Variants in HLA-DMA observed in about 807,000 individuals in gnomAD.
The protein encoded by HLA-DMA is major histocompatibility complex, class II, DM alpha.
In HLA-DMA, 20 loss-of-function variants were observed where a neutral mutation model predicts 27.3. That is an observed-to-expected ratio of 0.73 (90% CI 0.52 to 1.07). The LOEUF (loss-of-function observed/expected upper bound fraction) is 1.07. Ranked by LOEUF, HLA-DMA falls within the 50% of genes least tolerant of loss-of-function variation. The pLI is 0.00. For missense variants in HLA-DMA, 241 were observed against 321.7 expected (o/e 0.75, Z 1.92); for synonymous variants, 111 against 126.8 (o/e 0.88, Z 0.83).
chr6:32,949,355 A>T lies in HLA-DMA; in HGVS notation c.697T>A (p.Cys233Ser). 1.2e-6 allele frequency: 2 copies of T among 1,614,148 alleles called. No individual in the cohort carries two copies. Among genetic ancestry groups the T allele is most frequent in the Non-Finnish European group, 1.7e-6 (2 of 1,180,020 alleles). The change falls in exon 4 of 5, where the codon TGT becomes AGT. Residue 233 changes from cysteine (C) to serine (S), a missense_variant. Transcript: ENST00000374843. The surrounding 1 kb of genome is among the most constrained non-coding windows in gnomAD (Gnocchi z 5.8). ...ACACCCAGGCCAAAGGCCACGCCAC[A>T]CAGCACATTCTCCAGCAGATCTGAG... Reference protein sequence around the residue: ...LPSDLLENVLCGVAFGLGVLG... With the variant: ...LPSDLLENVLSGVAFGLGVLG...
At chr6:32,952,558 A>T in intron 1 of HLA-DMA, 1 of 399,118 alleles carries the variant, frequency 2.5e-6, no homozygotes, top group Non-Finnish European at 5.0e-6. Context: ...GAAGGAAACT[A>T]AGACACTTTT....
rs1776822895 is a variant in HLA-DMA at position 32,949,946 on chromosome 6, G to GTCTAGAGCTCACATTGA, written c.374-58_374-57insTCAATGTGAGCTCTAGA. ...AGAGACTAGTTTAGATGGTATCTCTGTGTTTGGAGGGGCCATGGCATATGG... is the reference window on the plus strand; with the variant it reads ...AGAGACTAGTTTAGATGGTATCTCTGTCTAGAGCTCACATTGATGTTTGGAGGGGCCATGGCATATGG... On this transcript the variant is annotated intron_variant, in intron 2 of 4. Coordinates refer to ENST00000374843, the MANE Select transcript of HLA-DMA (RefSeq NM_006120.4). This position sits in a 1 kb window ranked among gnomAD's most constrained non-coding sequence, Gnocchi z 5.8. The GTCTAGAGCTCACATTGA allele has an allele frequency of 6.4e-7, 1 of 1,555,102 alleles. No individual in the cohort carries two copies. The highest frequency in any genetic ancestry group is 8.8e-7 in the Non-Finnish European group (1 of 1,136,306).
At chr6:32,951,288 G>T (rs972583837) in intron 1 of HLA-DMA, among the ~76,000 whole-genome samples, 3 of 152,094 alleles carry the variant, frequency 2.0e-5, no homozygotes, top group African/African-American at 7.2e-5. Flanking sequence ...AGCTTCCCCT[G>T]CCTATAAAAA....
In HLA-DMA at chr6:32,950,468, C is replaced by A; in HGVS notation, c.373+51G>T. 6.3e-7 allele frequency: 1 copy of A among 1,584,722 alleles called. No homozygotes were observed. Among genetic ancestry groups the A allele is most frequent in the Non-Finnish European group, 8.6e-7 (1 of 1,156,306 alleles). On this transcript the variant is annotated intron_variant, in intron 2 of 4. Coordinates refer to ENST00000374843, the MANE Select transcript of HLA-DMA (RefSeq NM_006120.4). The surrounding 1 kb of genome is among the most constrained non-coding windows in gnomAD (Gnocchi z 5.0). Reference sequence around the variant, plus strand: ...AAGGGGAATTATTCAGTGTACAGATCAATGAGGTTAATGCAGCCCTCCTCC... The same window carrying A: ...AAGGGGAATTATTCAGTGTACAGATAAATGAGGTTAATGCAGCCCTCCTCC...
chr6:32,950,668 TG>T lies in HLA-DMA; in HGVS notation c.223del (p.Gln75ArgfsTer34), dbSNP rs1776856458. The T allele has an allele frequency of 6.2e-7, 1 of 1,612,938 alleles. No individual in the cohort carries two copies. The highest frequency in any genetic ancestry group is 1.1e-5 in the South Asian group (1 of 91,082). On this transcript the variant is annotated frameshift_variant, in exon 2 of 5. Coordinates refer to ENST00000374843, the MANE Select transcript of HLA-DMA (RefSeq NM_006120.4). LOFTEE classifies it high-confidence loss of function. The surrounding 1 kb of genome is among the most constrained non-coding windows in gnomAD (Gnocchi z 5.0). Reference protein sequence around the residue: ...EDQLFFFDFSQNTRVPRLPEF... With the variant: ...EDQLFFFDFSXNTRVPRLPEF... ...GGGCAGGCGAGGCACCCGAGTGTTCTGGGAAAAGTCGAAGAAGAAAAGCTGG... is the reference window on the plus strand; with the variant it reads ...GGGCAGGCGAGGCACCCGAGTGTTCTGGAAAAGTCGAAGAAGAAAAGCTGG...
chr6:32,949,623 T>C lies in HLA-DMA; in HGVS notation c.640A>G (p.Ile214Val). The C allele has an allele frequency of 6.2e-7, 1 of 1,613,114 alleles. No homozygotes were observed. The highest frequency in any genetic ancestry group is 8.5e-7 in the Non-Finnish European group (1 of 1,180,006). ...VTHEIDRYTAIAYWVPRNALP... is the reference protein window; with the variant it reads ...VTHEIDRYTAVAYWVPRNALP... Reference sequence around the variant, plus strand: ...GAGAAAGCCTCACCCCAATAGGCAATTGCTGTGTAGCGGTCAATTTCGTGA... The same window carrying C: ...GAGAAAGCCTCACCCCAATAGGCAACTGCTGTGTAGCGGTCAATTTCGTGA... Residue 214 changes from isoleucine to valine, a missense_variant, in exon 3 of 5, where the codon ATT becomes GTT. Physicochemically the swap from Ile to Val is conservative, Grantham distance 29. Coordinates refer to ENST00000374843, the MANE Select transcript of HLA-DMA (RefSeq NM_006120.4). This position sits in a 1 kb window ranked among gnomAD's most constrained non-coding sequence, Gnocchi z 5.8.
At position 32,949,319 on chromosome 6, in the gene HLA-DMA, T is replaced by C. The variant is rs1208383674; in HGVS notation, c.733A>G (p.Ile245Val). 2 of 1,614,046 alleles carry C rather than the reference T, an allele frequency of 1.2e-6. No individual in the cohort carries two copies. The highest frequency in any genetic ancestry group is 2.2e-5 in the East Asian group (1 of 44,878). The change falls in exon 4 of 5, where the codon ATC becomes GTC. Residue 245 changes from isoleucine (I) to valine (V), a missense_variant. Coordinates refer to ENST00000374843, the MANE Select transcript of HLA-DMA (RefSeq NM_006120.4). The surrounding 1 kb of genome is among the most constrained non-coding windows in gnomAD (Gnocchi z 5.8). The part of the protein sequence containing the change: ...VAFGLGVLGI[I>V]VGIVLIIYFR... Reference sequence around the variant, plus strand: ...TAGATGATGAGAACAATGCCCACGATGATGCCCAGCACACCCAGGCCAAAG... The same window carrying C: ...TAGATGATGAGAACAATGCCCACGACGATGCCCAGCACACCCAGGCCAAAG...
intron 1 of HLA-DMA, chr6:32,952,279 A>G: frequency 2.1e-6 from 1 of 468,956 alleles, no homozygotes; most frequent in South Asian, 1.6e-5. Flanking sequence ...GGTAAATTGG[A>G]AAACCTGTAT....
At chr6:32,952,906 C>A in intron 1 of HLA-DMA, 43 bp downstream of exon 1, 1 of 1,471,954 alleles carries the variant, frequency 6.8e-7, no homozygotes. Context: ...GCTGAGTGGG[C>A]TCCCTAGGTT....
At chr6:32,948,955 T>C (rs550054876) in intron 4 of HLA-DMA, 87 bp from the exon 5 acceptor site, 2 of 1,454,450 alleles carry the variant, frequency 1.4e-6, no homozygotes, top group African/African-American at 1.4e-5. Flanking sequence ...ACAAAGGCCT[T>C]GCTCGCCCTG....
chr6:32,949,747 C>G lies in HLA-DMA; in HGVS notation c.516G>C (p.Gly172=). 6.2e-7 allele frequency: 1 copy of G among 1,613,048 alleles called. No homozygotes were observed. Among genetic ancestry groups the G allele is most frequent in the Non-Finnish European group, 8.5e-7 (1 of 1,180,026 alleles). The change falls in exon 3 of 5, where the codon GGG becomes GGC. Residue 172 remains glycine, a synonymous_variant. Coordinates refer to ENST00000374843, the MANE Select transcript of HLA-DMA (RefSeq NM_006120.4). The surrounding 1 kb of genome is among the most constrained non-coding windows in gnomAD (Gnocchi z 5.8). ...QHHSVPVEGF[G]PTFVSAVDGL... ...CATCGACAGCTGAGACAAAAGTAGG[C>G]CCAAATCCTTCCACAGGGACGGAAT...
Position 32,950,926 on chromosome 6 carries a change from G to T in HLA-DMA, c.89-123C>A. 1 of 917,242 alleles carries T rather than the reference G, an allele frequency of 1.1e-6. No individual in the cohort carries two copies. Among genetic ancestry groups the T allele is most frequent in the Admixed American group, 2.6e-5 (1 of 39,144 alleles). The allele number at this position is 917,242 out of a possible 1,614,324, so 56.8% of individuals were successfully genotyped here. On this transcript the variant is annotated intron_variant, in intron 1 of 4. Coordinates refer to ENST00000374843, the MANE Select transcript of HLA-DMA (RefSeq NM_006120.4). The surrounding 1 kb of genome is among the most constrained non-coding windows in gnomAD (Gnocchi z 5.0). ...AATCCCAGCACTTTGGGAGGCCAAG[G>T]TGGGTGGATCATGAGGTCAGGAGTT...
chr6:32,950,127 C>T lies in HLA-DMA; in HGVS notation c.374-238G>A, dbSNP rs575667597. 2.2e-5 allele frequency: 13 copies of T among 598,692 alleles called. No individual in the cohort carries two copies. The highest frequency in any genetic ancestry group is 3.5e-5 in the Non-Finnish European group (12 of 338,230). 37.1% of individuals were successfully genotyped at this position (598,692 alleles called of 1,614,324 possible). A position where few individuals can be genotyped will look rare whatever the true frequency, so the allele number is the denominator to read the frequency against. On this transcript the variant is annotated intron_variant, in intron 2 of 4. Coordinates refer to ENST00000374843, the MANE Select transcript of HLA-DMA (RefSeq NM_006120.4). The surrounding 1 kb of genome is among the most constrained non-coding windows in gnomAD (Gnocchi z 5.0). ...GCTACTCTGGACCCCTCCACCATGA[C>T]TTCCTTCAGCACTTCCTGTCTAGAG...
rs148396755 is a variant in HLA-DMA at position 32,948,866 on chromosome 6, A to G, written c.784T>C (p.Ter262ArgextTer7). 24 of 1,613,770 alleles carry G rather than the reference A, an allele frequency of 1.5e-5. No individual in the cohort carries two copies. Among genetic ancestry groups the G allele is most frequent in the Non-Finnish European group, 1.9e-5 (23 of 1,179,906 alleles). The change falls in exon 5 of 5, where the codon TGA (stop) becomes CGA (arginine). Residue 262 changes from the stop codon to arginine, a stop_lost and splice_region_variant. Transcript: ENST00000374843. Reference protein sequence around the residue: ...IYFRKPCSGD* With the variant: ...IYFRKPCSGDR ...CATCAAACTCTGGTCTGGAAGAATC[A>G]GTCTGGGGGAGAGACAGGGATGGAG...
In HLA-DMA at chr6:32,950,015, C is replaced by G; in HGVS notation, c.374-126G>C. On this transcript the variant is annotated intron_variant, in intron 2 of 4. Transcript: ENST00000374843. This position sits in a 1 kb window ranked among gnomAD's most constrained non-coding sequence, Gnocchi z 5.0. ...ACACAGTGGGTCAGGCTTTGGGAGA[C>G]AGAGATGAGCGAGGAGCTGGGCTCT... 1.1e-6 allele frequency: 1 copy of G among 897,686 alleles called. No individual in the cohort carries two copies. The highest frequency in any genetic ancestry group is 1.7e-6 in the Non-Finnish European group (1 of 592,188). The allele number at this position is 897,686 out of a possible 1,614,324, so 55.6% of individuals were successfully genotyped here. A position where few individuals can be genotyped will look rare whatever the true frequency, so the allele number is the denominator to read the frequency against.
Position 32,949,143 on chromosome 6 carries a change from GC to G in HLA-DMA, c.781+127del. Reference sequence around the variant, plus strand: ...TGTGCCCCCATGGTGCTGGATACAGGCCCCCACACCCAAGGGCCTGAGGATC... The same window carrying G: ...TGTGCCCCCATGGTGCTGGATACAGGCCCCACACCCAAGGGCCTGAGGATC... On this transcript the variant is annotated intron_variant, in intron 4 of 4. Transcript: ENST00000374843. This position sits in a 1 kb window ranked among gnomAD's most constrained non-coding sequence, Gnocchi z 5.8. The G allele has an allele frequency of 7.1e-6, 9 of 1,264,712 alleles. No homozygotes were observed. Among genetic ancestry groups the G allele is most frequent in the South Asian group, 1.4e-5 (1 of 72,500 alleles). The allele number at this position is 1,264,712 out of a possible 1,614,324, so 78.3% of individuals were successfully genotyped here.
At chr6:32,951,923 C>T (rs950350061) in intron 1 of HLA-DMA, among the ~76,000 whole-genome samples, 2 of 151,038 alleles carry the variant, frequency 1.3e-5, no homozygotes, top group Non-Finnish European at 3.0e-5. Flanking sequence ...AGCGAGATGC[C>T]GTGTCAAAAA....
At position 32,949,632 on chromosome 6, in the gene HLA-DMA, A is replaced by G; in HGVS notation, c.631T>C (p.Tyr211His). The G allele has an allele frequency of 6.2e-7, 1 of 1,613,170 alleles. No individual in the cohort carries two copies. The highest frequency in any genetic ancestry group is 8.5e-7 in the Non-Finnish European group (1 of 1,180,038). ...TCACCCCAATAGGCAATTGCTGTGTAGCGGTCAATTTCGTGAGTCACAATG... is the reference window on the plus strand; with the variant it reads ...TCACCCCAATAGGCAATTGCTGTGTGGCGGTCAATTTCGTGAGTCACAATG... ...SCIVTHEIDR[Y>H]TAIAYWVPRN... The change falls in exon 3 of 5, where the codon TAC (tyrosine) becomes CAC (histidine). Residue 211 changes from tyrosine to histidine, a missense_variant. Coordinates refer to ENST00000374843, the MANE Select transcript of HLA-DMA (RefSeq NM_006120.4). This position sits in a 1 kb window ranked among gnomAD's most constrained non-coding sequence, Gnocchi z 5.8.
At position 32,949,723 on chromosome 6, in the gene HLA-DMA, A is replaced by C. The variant is rs138600096; in HGVS notation, c.540T>G (p.Asp180Glu). Residue 180 changes from aspartate to glutamate, a missense_variant, in exon 3 of 5, where the codon GAT becomes GAG. Physicochemically the swap from Asp to Glu is conservative, Grantham distance 45. Transcript: ENST00000374843. The surrounding 1 kb of genome is among the most constrained non-coding windows in gnomAD (Gnocchi z 5.8). ...GFGPTFVSAVDGLSFQAFSYL... is the reference protein window; with the variant it reads ...GFGPTFVSAVEGLSFQAFSYL... ...AAGAAAAGGCCTGGAAGCTGAGTCC[A>C]TCGACAGCTGAGACAAAAGTAGGCC... 6.2e-7 allele frequency: 1 copy of C among 1,613,108 alleles called. No individual in the cohort carries two copies. The highest frequency in any genetic ancestry group is 8.5e-7 in the Non-Finnish European group (1 of 1,180,038).
Sources: allele counts gnomAD v4.1 joint callset (sites outside exome capture counted in the v4.1 genomes callset), GRCh38; gene constraint gnomAD v4.1.1; non-coding constraint Gnocchi (gnomAD v3.1); transcripts MANE v1.5; gene names NCBI Gene and HGNC (gene_info 2026-07-23, HGNC 2026-07-21).